The following IFT122 variants were observed in gnomAD, a reference collection of about 807,000 sequenced individuals.
IFT122 encodes the protein intraflagellar transport 122.
Under a neutral mutation model 161.6 loss-of-function variants are expected in IFT122, and 118 were observed. The observed-to-expected ratio is 0.73, with a 90% CI of 0.63 to 0.85. The LOEUF (loss-of-function observed/expected upper bound fraction) is 0.85, where lower values mean the gene tolerates loss of function less well. Ranked by LOEUF, IFT122 falls within the 40% of genes least tolerant of loss-of-function variation. The probability of loss-of-function intolerance (pLI) is 0.00; values close to 1 mark genes in which losing one functional copy is unlikely to be tolerated. For synonymous variants in IFT122, 550 were observed against 602.4 expected (o/e 0.91, Z 1.27); for missense variants, 1,381 against 1,579.6 (o/e 0.87, Z 2.13).
intron 24 of IFT122, 158 bp from the exon 25 acceptor site, chr3:129,514,231 A>T: frequency 1.3e-6 from 1 of 786,152 alleles, no homozygotes; most frequent in Non-Finnish European, 2.2e-6. Context: ...AAGTACACTC[A>T]CCTCTCACAA....
At chr3:129,499,841 G>C (rs1338148483) in intron 18 of IFT122, 61 bp from the exon 19 acceptor site, 12 of 1,601,400 alleles carry the variant, frequency 7.5e-6, no homozygotes, top group Non-Finnish European at 1.0e-5. Context: ...AGAAAAGCCT[G>C]ATGTAACGCT....
intron 3 of IFT122, chr3:129,452,312 C>G (rs1005209576): frequency 1.4e-5 from 5 of 359,742 alleles, no homozygotes; most frequent in African/African-American, 1.1e-4. Flanking sequence ...GGAAGACATA[C>G]AGTAAACATA....
chr3:129,499,473 G>A (rs1453313286), intron 18 of IFT122, among the ~76,000 whole-genome samples: 1 of 152,212 alleles, frequency 6.6e-6, no homozygotes, highest in Non-Finnish European at 1.5e-5. Flanking sequence ...CTCGATATGT[G>A]GAATTGTGCA....
intron 18 of IFT122, among the ~76,000 whole-genome samples, chr3:129,496,653 C>T (rs999670603): frequency 1.2e-4 from 19 of 152,224 alleles, no homozygotes; most frequent in Non-Finnish European, 2.5e-4. Context: ...TGCCCAGGAC[C>T]TATTGTTCAT....
chr3:129,508,540 C>A (rs370693214), intron 23 of IFT122, among the ~76,000 whole-genome samples: 1 of 152,162 alleles, frequency 6.6e-6, no homozygotes, highest in Non-Finnish European at 1.5e-5. Flanking sequence ...AAAGTAATTG[C>A]GGTTTCAGAC....
In IFT122 at chr3:129,499,999, A is replaced by G. The variant is rs777572081; in HGVS notation, c.2306A>G (p.Glu769Gly). Residue 769 changes from glutamate to glycine, a missense_variant, in exon 19 of 30, where the codon GAG becomes GGG. Transcript: ENST00000348417. ...RNIKEPKAAV[E>G]MYISAGEHVK... ...ATCAAGGAGCCCAAAGCCGCCGTGG[A>G]GATGTACATCTCAGCAGGAGAGCAC... The G allele has an allele frequency of 3.2e-5, 51 of 1,614,212 alleles. 1 individual carries two copies. In the South Asian group the frequency reaches 4.4e-4, roughly 14 times the overall value.
intron 20 of IFT122, among the ~76,000 whole-genome samples, chr3:129,503,801 G>A (rs1370999949): frequency 6.6e-6 from 1 of 152,120 alleles, no homozygotes; most frequent in Admixed American, 6.6e-5. Context: ...CTCAGACCTC[G>A]CTGTGCATCA....
intron 4 of IFT122, among the ~76,000 whole-genome samples, 199 bp downstream of exon 4, chr3:129,458,876 G>A (rs1243201932): frequency 2.0e-5 from 3 of 152,204 alleles, no homozygotes; most frequent in Non-Finnish European, 2.9e-5. Flanking sequence ...TACTGGCGTG[G>A]CCAGCACTGG....
chr3:129,477,139 C>T (rs1448839364), intron 11 of IFT122, among the ~76,000 whole-genome samples: 2 of 152,082 alleles, frequency 1.3e-5, no homozygotes, highest in East Asian at 3.9e-4. Flanking sequence ...CATGGGTCTT[C>T]GTGGACCTTT....
At chr3:129,463,339 G>C (rs2076378587) in intron 5 of IFT122, 4 of 512,228 alleles carry the variant, frequency 7.8e-6, no homozygotes. Context: ...TCCAAACCCT[G>C]GTAACCACAA....
chr3:129,467,705 C>T (rs2076949142), intron 8 of IFT122, among the ~76,000 whole-genome samples: 1 of 152,178 alleles, frequency 6.6e-6, no homozygotes, highest in South Asian at 2.1e-4. Flanking sequence ...AAAACATGGG[C>T]AGGCCAGAGT....
In IFT122 at chr3:129,502,830, G is replaced by A. The variant is rs988310325; in HGVS notation, c.2495G>A (p.Gly832Asp). The change falls in exon 20 of 30, where the codon GGT becomes GAT. Residue 832 changes from glycine (G) to aspartate (D), a missense_variant. Physicochemically the swap from Gly to Asp is moderately conservative, Grantham distance 94 (BLOSUM62 -1). Coordinates refer to ENST00000348417, the MANE Select transcript of IFT122 (RefSeq NM_052989.3). Reference sequence around the variant, plus strand: ...GCTGCTGAGACCTACCTGAAGATGGGTGACCTCAAGTCCCTGGTGCAGCTG... The same window carrying A: ...GCTGCTGAGACCTACCTGAAGATGGATGACCTCAAGTCCCTGGTGCAGCTG... ...GYAAETYLKM[G>D]DLKSLVQLHV... The A allele has an allele frequency of 6.2e-7, 1 of 1,612,986 alleles. No homozygotes were observed. The highest frequency in any genetic ancestry group is 1.3e-5 in the African/African-American group (1 of 75,056).
intron 10 of IFT122, 59 bp downstream of exon 10, chr3:129,476,565 C>G (rs533591222): frequency 3.1e-6 from 5 of 1,612,512 alleles, no homozygotes; most frequent in Non-Finnish European, 4.2e-6. Flanking sequence ...GAGCAGCCGC[C>G]GTGTCTCGAG....
At position 129,478,097 on chromosome 3, in the gene IFT122, T is replaced by G; in HGVS notation, c.1229T>G (p.Leu410Arg). The part of the protein sequence containing the change: ...RLAIQLPEKI[L>R]IYELYSEDLS... ...GCTATCCAACTGCCAGAGAAAATCC[T>G]CATCTATGAGTTGTATTCAGAGGAC... The change falls in exon 12 of 30, where the codon CTC becomes CGC. Residue 410 changes from leucine (L) to arginine (R), a missense_variant. Leu to Arg is a moderately radical substitution (Grantham distance 102). Transcript: ENST00000348417. The G allele has an allele frequency of 6.2e-7, 1 of 1,614,160 alleles. No individual in the cohort carries two copies. Among genetic ancestry groups the G allele is most frequent in the East Asian group, 2.2e-5 (1 of 44,888 alleles).
At chr3:129,447,967 G>A (rs1023733975) in intron 1 of IFT122, among the ~76,000 whole-genome samples, 1 of 152,128 alleles carries the variant, frequency 6.6e-6, no homozygotes, top group African/African-American at 2.4e-5. Flanking sequence ...CAGACGGTTG[G>A]GGGGGCTTAC....
In IFT122 at chr3:129,464,715, A is replaced by G; in HGVS notation, c.497A>G (p.Lys166Arg). The G allele has an allele frequency of 6.2e-7, 1 of 1,614,166 alleles. No individual in the cohort carries two copies. The highest frequency in any genetic ancestry group is 1.3e-5 in the African/African-American group (1 of 75,032). The change falls in exon 7 of 30, where the codon AAA (lysine) becomes AGA (arginine). Residue 166 changes from lysine (K) to arginine (R), a missense_variant. Physicochemically the swap from Lys to Arg is conservative, Grantham distance 26. Around this residue, in one of 7 missense-constraint regions of IFT122, gnomAD observed 544 missense variants for 648.0 expected, o/e 0.84. Transcript: ENST00000348417. ...ISIRNKNGEE[K>R]VKIERPGGSL... ...ATACGGAACAAAAATGGCGAGGAGA[A>G]AGTAAAGATCGAGCGGCCGGGGGGC...
At chr3:129,454,513 T>TG (rs2075223743) in intron 3 of IFT122, among the ~76,000 whole-genome samples, 60 of 131,280 alleles carry the variant, frequency 4.6e-4, no homozygotes, top group African/African-American at 1.7e-3. Flanking sequence ...GTAGTCATAT[T>TG]TGTGTGTGTG....
Position 129,506,293 on chromosome 3 carries a change from C to T in IFT122, c.2651-116C>T, listed in dbSNP as rs150331350. On this transcript the variant is annotated intron_variant, in intron 21 of 29. Transcript: ENST00000348417. The stretch of plus-strand genomic sequence containing the variant: ...CAGCAACGAAGCACTGCAGATGCTC[C>T]AATGAGTGTCCTACTTCCAAAGCAG... The T allele has an allele frequency of 4.7e-5, 56 of 1,191,346 alleles. No homozygotes were observed. The East Asian group carries it at 9.1e-4, about 19-fold the overall frequency. 73.8% of individuals were successfully genotyped at this position (1,191,346 alleles called of 1,614,324 possible).
intron 1 of IFT122, 47 bp downstream of exon 1, chr3:129,440,418 G>C: frequency 6.5e-7 from 1 of 1,546,982 alleles, no homozygotes; most frequent in Non-Finnish European, 8.7e-7. Flanking sequence ...GAGTCCTCGC[G>C]GGGAGTGCGC....
Sources: allele counts gnomAD v4.1 joint callset (sites outside exome capture counted in the v4.1 genomes callset), GRCh38; gene constraint gnomAD v4.1.1; regional missense constraint gnomAD v4.1.1; transcripts MANE v1.5; gene names NCBI Gene and HGNC (gene_info 2026-07-23, HGNC 2026-07-21).